Variants in PARP9 observed in about 807,000 individuals in gnomAD.
The protein encoded by PARP9 is protein mono-ADP-ribosyltransferase PARP9.
A neutral mutation model predicts 68.8 loss-of-function variants in PARP9; 48 were observed. The ratio of observed to expected loss-of-function variants is 0.70; its 90% CI spans 0.55 to 0.89. PARP9 has a LOEUF of 0.89. Among genes scored for constraint, PARP9 ranks in the 40% least tolerant of loss-of-function variants. The pLI is 0.00. For missense variants in PARP9, 806 were observed against 969.3 expected (o/e 0.83, Z 2.24); for synonymous variants, 309 against 333.8 (o/e 0.93, Z 0.81).
chr3:122,536,421 TA>T (rs1426487021), intron 9 of PARP9, 79 bp from the exon 10 acceptor site: 36 of 1,537,112 alleles, frequency 2.3e-5, no homozygotes, highest in Middle Eastern at 1.8e-4. Flanking sequence ...GCTTCAAAAA[TA>T]AAGGAGCTTA....
chr3:122,537,089 AC>A lies in PARP9; in HGVS notation c.1766-17del, dbSNP rs766022701. 10 of 1,591,730 alleles carry A rather than the reference AC, an allele frequency of 6.3e-6. No individual in the cohort carries two copies. Among genetic ancestry groups the A allele is most frequent in the Non-Finnish European group, 7.7e-6 (9 of 1,172,648 alleles). On this transcript the variant is annotated splice_polypyrimidine_tract_variant and intron_variant, in intron 8 of 10. Coordinates refer to ENST00000682323, the MANE Select transcript of PARP9 (RefSeq NM_001146105.2). ...GTCCACTGTCCTAAAAATGAGTAAC[AC>A]AAAAACTTTACTTCAATGCTCTGAG...
chr3:122,528,324 C>A lies in PARP9; in HGVS notation c.*40G>T. On this transcript the variant is annotated 3_prime_UTR_variant, in exon 11 of 11. Coordinates refer to ENST00000682323, the MANE Select transcript of PARP9 (RefSeq NM_001146105.2). ...GATGGTCATTATTTGGTTAGTTCAC[C>A]CAAGGTAAGGCCATACCAGCTGTTA... is the stretch of plus-strand genomic sequence containing the variant. 2 of 1,578,964 alleles carry A rather than the reference C, an allele frequency of 1.3e-6. No individual in the cohort carries two copies.
chr3:122,552,345 T>C (rs541973247), intron 5 of PARP9, 73 bp downstream of exon 5: 1 of 1,149,554 alleles, frequency 8.7e-7, no homozygotes, highest in Admixed American at 2.4e-5. Flanking sequence ...AATGAAATGA[T>C]GGAAATTTGT....
chr3:122,532,908 G>A (rs967454052), intron 10 of PARP9: 3 of 152,236 alleles, frequency 2.0e-5, no homozygotes, highest in Non-Finnish European at 2.9e-5. Context: ...AGTGGGTGAT[G>A]ACTGCTGAAA....
intron 10 of PARP9, chr3:122,532,223 G>A (rs1380247339): frequency 2.7e-5 from 27 of 985,464 alleles, no homozygotes; most frequent in African/African-American, 7.0e-5. Context: ...TGTGTGGCAG[G>A]AGGAACACAG....
chr3:122,528,472 C>A lies in PARP9; in HGVS notation c.2352G>T (p.Trp784Cys). 1 of 1,614,138 alleles carries A rather than the reference C, an allele frequency of 6.2e-7. No individual in the cohort carries two copies. The highest frequency in any genetic ancestry group is 8.5e-7 in the Non-Finnish European group (1 of 1,180,032). The change falls in exon 11 of 11, where the codon TGG (tryptophan) becomes TGT (cysteine). Residue 784 changes from tryptophan to cysteine, a missense_variant. Trp to Cys is a radical substitution (Grantham distance 215, BLOSUM62 -2). Transcript: ENST00000682323. ...ACTGTACATATTCCTGGGTGCATGTCCACAAATACTGAGGTATAGCCTGCA... is the reference window on the plus strand; with the variant it reads ...ACTGTACATATTCCTGGGTGCATGTACACAAATACTGAGGTATAGCCTGCA... ...SGMQAIPQYLWTCTQEYVQSQ... is the reference protein window; with the variant it reads ...SGMQAIPQYLCTCTQEYVQSQ...
Position 122,564,228 on chromosome 3 carries a change from G to A in PARP9, c.-90+17C>T, listed in dbSNP as rs2080492094. ...GAGAGGGGACCCCGAGGGCCCAGAG[G>A]CACCGGACCTACTCACCCGGCAGGC... is the stretch of plus-strand genomic sequence containing the variant. On this transcript the variant is annotated intron_variant, in intron 1 of 10. Coordinates refer to ENST00000682323, the MANE Select transcript of PARP9 (RefSeq NM_001146105.2). The A allele has an allele frequency of 3.4e-6, 2 of 594,650 alleles. No homozygotes were observed. Among genetic ancestry groups the A allele is most frequent in the Non-Finnish European group, 5.5e-6 (2 of 361,130 alleles). 36.8% of individuals were successfully genotyped at this position (594,650 alleles called of 1,614,324 possible). A position where few individuals can be genotyped will look rare whatever the true frequency, so the allele number is the denominator to read the frequency against.
intron 8 of PARP9, among the ~76,000 whole-genome samples, chr3:122,539,507 ATTTCTTTCTTTCTTTC>A (rs144389968): frequency 2.1e-3 from 277 of 133,236 alleles, no homozygotes; most frequent in African/African-American, 4.6e-3. Context: ...CCAAGATGGC[ATTTCTTTCTTTCTTTC>A]TTTCTTTCTT....
rs201714239 is a variant in PARP9, at chr3:122,547,085, C to CAT, written c.1327-1598_1327-1597dup. On this transcript the variant is annotated intron_variant, in intron 6 of 10. Coordinates refer to ENST00000682323, the MANE Select transcript of PARP9 (RefSeq NM_001146105.2). ...ACATACATATATACACACACACACA[C>CAT]ATATATATATACACGTATTTTTTTT... Among the ~76,000 whole-genome samples, 95 of 121,636 alleles carry CAT rather than the reference C, an allele frequency of 7.8e-4. 4 individuals carry two copies. Among genetic ancestry groups the CAT allele is most frequent in the East Asian group, 4.9e-3 (21 of 4,286 alleles). The allele number at this position is 121,636 out of a possible 152,430, so 79.8% of individuals were successfully genotyped here.
At chr3:122,536,488 T>C (rs1225457382) in intron 9 of PARP9, 146 bp from the exon 10 acceptor site, 1 of 1,362,868 alleles carries the variant, frequency 7.3e-7, no homozygotes, top group Non-Finnish European at 9.7e-7. Context: ...TGCAAAAGAG[T>C]CTCTCCTCCC....
At chr3:122,538,976 G>T (rs1258868620) in intron 8 of PARP9, among the ~76,000 whole-genome samples, 1 of 151,976 alleles carries the variant, frequency 6.6e-6, no homozygotes. Flanking sequence ...TGAAAATAAG[G>T]TGTCCTTTGA....
chr3:122,555,887 T>A lies in PARP9; in HGVS notation c.284A>T (p.His95Leu), dbSNP rs778145159. Residue 95 changes from histidine to leucine, a missense_variant, in exon 4 of 11, where the codon CAT becomes CTT. Coordinates refer to ENST00000682323, the MANE Select transcript of PARP9 (RefSeq NM_001146105.2). The part of the protein sequence containing the change: ...LSVWKDDLTT[H>L]AVDAVVNAAN... ...TGCATTCACCACAGCATCAACAGCA[T>A]GTGTGGTGAGGTCATCTTTCCAGAC... The A allele has an allele frequency of 2.4e-5, 38 of 1,613,910 alleles. No individual in the cohort carries two copies. The highest frequency in any genetic ancestry group is 2.3e-5 in the Non-Finnish European group (27 of 1,179,980).
chr3:122,547,159 A>G (rs2078820952), intron 6 of PARP9, among the ~76,000 whole-genome samples: 1 of 142,012 alleles, frequency 7.0e-6, no homozygotes, highest in African/African-American at 2.6e-5. Context: ...CAGTGGTGCA[A>G]TCTCGGGTCA....
intron 6 of PARP9, among the ~76,000 whole-genome samples, chr3:122,548,349 A>G (rs1265785578): frequency 6.6e-6 from 1 of 152,256 alleles, no homozygotes; most frequent in Non-Finnish European, 1.5e-5. Flanking sequence ...TAATGTTTGC[A>G]GCCACTCTCT....
At chr3:122,538,169 G>A (rs1381384967) in intron 8 of PARP9, among the ~76,000 whole-genome samples, 1 of 150,258 alleles carries the variant, frequency 6.7e-6, no homozygotes, top group Non-Finnish European at 1.5e-5. Context: ...TACAACAGAA[G>A]ACTGTAAATT....
intron 8 of PARP9, among the ~76,000 whole-genome samples, chr3:122,539,236 T>G (rs369716427): frequency 9.9e-5 from 15 of 152,224 alleles, no homozygotes; most frequent in African/African-American, 3.6e-4. Context: ...CAGTTCTCCA[T>G]TTATGACACC....
At chr3:122,544,896 G>T (rs562204465) in intron 7 of PARP9, among the ~76,000 whole-genome samples, 41 of 152,232 alleles carry the variant, frequency 2.7e-4, no homozygotes, top group Non-Finnish European at 5.0e-4. Context: ...AAATAGATAT[G>T]CTTGGCCCAG....
At chr3:122,549,467 T>C (rs1016376200) in intron 6 of PARP9, among the ~76,000 whole-genome samples, 1 of 152,092 alleles carries the variant, frequency 6.6e-6, no homozygotes, top group Non-Finnish European at 1.5e-5. Flanking sequence ...ATGGGGATTT[T>C]AGAGGGAAAA....
chr3:122,555,286 C>G lies in PARP9; in HGVS notation c.885G>C (p.Thr295=), dbSNP rs1459072509. ...QIVQGHIEWQ[T]ADVIVNSVNP... is the part of the protein sequence containing the mutation. ...CAAGAGAATAGAAACAAAGACTTAC[C>G]GTCTGCCATTCAATGTGGCCCTGGA... The change falls in exon 4 of 11, where the codon ACG becomes ACC. Residue 295 remains threonine (T), a splice_region_variant and synonymous_variant. Transcript: ENST00000682323. The G allele has an allele frequency of 6.2e-7, 1 of 1,601,996 alleles. No individual in the cohort carries two copies. The highest frequency in any genetic ancestry group is 2.2e-5 in the East Asian group (1 of 44,766).
Sources: gnomAD v4.1 joint callset for allele counts (sites outside exome capture counted in the v4.1 genomes callset) on GRCh38, gnomAD v4.1.1 for gene constraint, MANE v1.5 for transcripts, NCBI Gene and HGNC (gene_info 2026-07-23, HGNC 2026-07-21) for gene names.